PRR5L: variants seen among roughly 807,000 people sequenced by gnomAD.
PRR5L encodes proline rich 5 like.
In PRR5L, 21 loss-of-function variants were observed where a neutral mutation model predicts 36.4. The ratio of observed to expected loss-of-function variants is 0.58; its 90% CI spans 0.41 to 0.83. The LOEUF is 0.83. Among genes scored for constraint, PRR5L ranks in the 40% least tolerant of loss-of-function variants. The pLI is 0.00. For synonymous variants in PRR5L, 188 were observed against 197.0 expected (o/e 0.95, Z 0.38); for missense variants, 381 against 473.3 (o/e 0.80, Z 1.81).
chr11:36,439,442 T>C (rs1458010521), intron 6 of PRR5L, among the ~76,000 whole-genome samples: 1 of 152,054 alleles, frequency 6.6e-6, no homozygotes, highest in African/African-American at 2.4e-5. Context: ...CTGGCAACAA[T>C]TAATATTGCC....
At chr11:36,299,806 A>T (rs1484524721) in intron 1 of PRR5L, among the ~76,000 whole-genome samples, 2 of 152,070 alleles carry the variant, frequency 1.3e-5, no homozygotes, top group African/African-American at 4.8e-5. Context: ...GGCTTCTTAG[A>T]GCTTTTACCT....
At chr11:36,420,890 C>T (rs1217796696) in intron 4 of PRR5L, among the ~76,000 whole-genome samples, 1 of 150,596 alleles carries the variant, frequency 6.6e-6, no homozygotes, top group African/African-American at 2.4e-5. Context: ...GACAGCTCCT[C>T]TAAATCTGGA....
At chr11:36,406,192 A>G (rs1857907405) in intron 3 of PRR5L, among the ~76,000 whole-genome samples, 1 of 151,902 alleles carries the variant, frequency 6.6e-6, no homozygotes, top group African/African-American at 2.4e-5. Context: ...CATGAGGAGC[A>G]TGACACTCCC....
intron 1 of PRR5L, among the ~76,000 whole-genome samples, chr11:36,315,764 A>G (rs1433380792): frequency 6.6e-6 from 1 of 152,254 alleles, no homozygotes; most frequent in African/African-American, 2.4e-5. Flanking sequence ...CTTGCAGCAA[A>G]TTTAATGTGA....
rs192413145 is a variant in PRR5L at position 36,437,372 on chromosome 11, C to T, written c.353-13C>T. The T allele has an allele frequency of 3.7e-5, 58 of 1,558,204 alleles. No individual in the cohort carries two copies. In the East Asian group the frequency reaches 5.8e-4, roughly 16 times the overall value. ...CTTTCTTCCTCCCTTCCCATCTTCT[C>T]GCCCTCTTGTAGGTGAAAATCGCAT... On this transcript the variant is annotated splice_polypyrimidine_tract_variant and intron_variant, in intron 5 of 8. Coordinates refer to ENST00000530639, the MANE Select transcript of PRR5L (RefSeq NM_001160167.2).
At chr11:36,427,612 G>C (rs1283509217) in intron 4 of PRR5L, among the ~76,000 whole-genome samples, 1 of 152,170 alleles carries the variant, frequency 6.6e-6, no homozygotes, top group Non-Finnish European at 1.5e-5. Flanking sequence ...ATGGCTGCCT[G>C]AAACCCAAGG....
chr11:36,399,981 A>C (rs994864581), intron 1 of PRR5L, among the ~76,000 whole-genome samples: 1 of 152,256 alleles, frequency 6.6e-6, no homozygotes, highest in Non-Finnish European at 1.5e-5. Flanking sequence ...CAGTGTGTTC[A>C]AAGTCACACA....
rs185103959 is a variant in PRR5L, at chr11:36,331,583, T to G, written c.-126+35145T>G. 7.9e-5 allele frequency among the ~76,000 whole-genome samples: 12 copies of G among 152,304 alleles called. No individual in the cohort carries two copies. In the East Asian group the frequency reaches 2.3e-3, roughly 29 times the overall value. ...AAAACAAACTTTCATAACTTCCTAC[T>G]AAGAGCAGAACAATAATCCAAGAAA... On this transcript the variant is annotated intron_variant, in intron 1 of 8. Coordinates refer to ENST00000530639, the MANE Select transcript of PRR5L (RefSeq NM_001160167.2).
chr11:36,341,439 A>G (rs897964835), intron 1 of PRR5L, among the ~76,000 whole-genome samples: 1 of 152,174 alleles, frequency 6.6e-6, no homozygotes, highest in Non-Finnish European at 1.5e-5. Context: ...GTAACAATGG[A>G]CAAGCCTCTA....
At chr11:36,458,660 G>T (rs1280686961) in intron 8 of PRR5L, among the ~76,000 whole-genome samples, 1 of 152,236 alleles carries the variant, frequency 6.6e-6, no homozygotes, top group Non-Finnish European at 1.5e-5. Context: ...CCTTCCAGGA[G>T]CATTGGCTCT....
In PRR5L at chr11:36,463,785, G is replaced by A. The variant is rs1590620431; in HGVS notation, c.*1049G>A. The A allele has an allele frequency of 6.6e-6, 1 of 152,476 alleles. No individual in the cohort carries two copies. Among genetic ancestry groups the A allele is most frequent in the Non-Finnish European group, 1.5e-5 (1 of 68,040 alleles). The allele number at this position is 152,476 out of a possible 1,614,324, so 9.4% of individuals were successfully genotyped here. ...GGTTCAGGATAAAGAGATCCATGGT[G>A]GGCAGGGCTGTTAGGTCACAGAGCT... On this transcript the variant is annotated 3_prime_UTR_variant, in exon 9 of 9. Coordinates refer to ENST00000530639, the MANE Select transcript of PRR5L (RefSeq NM_001160167.2).
chr11:36,417,559 T>C (rs1441006321), intron 3 of PRR5L, among the ~76,000 whole-genome samples: 1 of 152,184 alleles, frequency 6.6e-6, no homozygotes, highest in Non-Finnish European at 1.5e-5. Flanking sequence ...AGACTGCCTT[T>C]AAATTGGCCC....
At chr11:36,304,592 A>C (rs1400381250) in intron 1 of PRR5L, among the ~76,000 whole-genome samples, 1 of 152,238 alleles carries the variant, frequency 6.6e-6, no homozygotes, top group Non-Finnish European at 1.5e-5. Flanking sequence ...GGTTCTCTGC[A>C]GGGATAAACC....
At chr11:36,389,735 CCT>C (rs1857527864) in intron 1 of PRR5L, among the ~76,000 whole-genome samples, 1 of 151,994 alleles carries the variant, frequency 6.6e-6, no homozygotes, top group Non-Finnish European at 1.5e-5. Context: ...GCCTCAGCCC[CCT>C]GAGTAGCTGG....
chr11:36,343,542 G>C (rs938821171), intron 1 of PRR5L, among the ~76,000 whole-genome samples: 1 of 152,136 alleles, frequency 6.6e-6, no homozygotes, highest in Admixed American at 6.5e-5. Context: ...CACTGAGCAC[G>C]CAGTAAAGGC....
At chr11:36,411,214 C>G (rs140130659) in intron 3 of PRR5L, among the ~76,000 whole-genome samples, 2 of 152,200 alleles carry the variant, frequency 1.3e-5, no homozygotes, top group Non-Finnish European at 2.9e-5. Flanking sequence ...CTGTCACTTC[C>G]GCGCTTGCCC....
At chr11:36,351,964 T>A (rs1312396898) in intron 1 of PRR5L, among the ~76,000 whole-genome samples, 2 of 151,724 alleles carry the variant, frequency 1.3e-5, no homozygotes, top group African/African-American at 4.8e-5. Context: ...TTAGATCAAA[T>A]GGTAGTTCTA....
chr11:36,297,815 G>A (rs79600713), intron 1 of PRR5L, among the ~76,000 whole-genome samples: 1,788 of 152,266 alleles, frequency 0.012, 14 homozygotes, highest in Non-Finnish European at 0.02. Flanking sequence ...AAGGGGGTCT[G>A]TGGTTGGCTT....
chr11:36,374,388 C>T (rs1857232172), intron 1 of PRR5L, among the ~76,000 whole-genome samples: 1 of 151,820 alleles, frequency 6.6e-6, no homozygotes, highest in African/African-American at 2.4e-5. Flanking sequence ...CCACCACACC[C>T]GGCCAAAATT....
Sources: gnomAD v4.1 joint callset for allele counts (sites outside exome capture counted in the v4.1 genomes callset) on GRCh38, gnomAD v4.1.1 for gene constraint, MANE v1.5 for transcripts, NCBI Gene and HGNC (gene_info 2026-07-23, HGNC 2026-07-21) for gene names.